TET1: variants seen among roughly 807,000 people sequenced by gnomAD.
The protein encoded by TET1 is tet methylcytosine dioxygenase 1.
A neutral mutation model predicts 148.7 loss-of-function variants in TET1; 13 were observed. The observed-to-expected ratio is 0.09, with a 90% CI of 0.06 to 0.14. The LOEUF (loss-of-function observed/expected upper bound fraction) is 0.14. Ranked by LOEUF, TET1 falls within the 10% of genes least tolerant of loss-of-function variation. TET1 has a pLI of 1.00. For synonymous variants in TET1, 907 were observed against 937.2 expected, an observed-to-expected ratio of 0.97 and a Z score of 0.59; for missense variants, 2,182 against 2,553.8, an observed-to-expected ratio of 0.85 and a Z score of 3.14.
chr10:68,586,560 C>G (rs1192218173), intron 2 of TET1, among the ~76,000 whole-genome samples: 1 of 148,994 alleles, frequency 6.7e-6, no homozygotes, highest in African/African-American at 2.5e-5. Flanking sequence ...GTCTTGAACT[C>G]CCGGCCTCAA....
rs2055515045 is a variant in TET1, at chr10:68,686,662, T to G, written c.5359T>G (p.Ser1787Ala). The change falls in exon 11 of 12, where the codon TCA becomes GCA. Residue 1787 changes from serine to alanine, a missense_variant. Physicochemically the swap from Ser to Ala is moderately conservative, Grantham distance 99. This residue lies in a region of TET1 where 380 missense variants were observed against 387.9 expected (regional missense o/e 0.98). Transcript: ENST00000373644. ...TCCCCGAATCAAGCGGAAGAATAAC[T>G]CAACAACAACAAACAACAGTAAGCC... ...PIPRIKRKNN[S>A]TTTNNSKPSS... is the part of the protein sequence containing the mutation. The G allele has an allele frequency of 6.2e-7, 1 of 1,613,930 alleles. No homozygotes were observed. The highest frequency in any genetic ancestry group is 1.1e-5 in the South Asian group (1 of 91,080).
At position 68,646,384 on chromosome 10, in the gene TET1, A is replaced by G; in HGVS notation, c.3655A>G (p.Ile1219Val). The G allele has an allele frequency of 6.2e-7, 1 of 1,614,166 alleles. No homozygotes were observed. Among genetic ancestry groups the G allele is most frequent in the Non-Finnish European group, 8.5e-7 (1 of 1,180,024 alleles). ...VFGKISSSTK[I>V]WKPLAQTRSI... ...TGGGAAAATTTCTTCCTCGACCAAA[A>G]TATGGAAACCACTGGCTCAAACGAG... The change falls in exon 4 of 12, where the codon ATA (isoleucine) becomes GTA (valine). Residue 1219 changes from isoleucine to valine, a missense_variant. Coordinates refer to ENST00000373644, the MANE Select transcript of TET1 (RefSeq NM_030625.3).
chr10:68,597,813 AAT>A (rs1234514650), intron 2 of TET1, among the ~76,000 whole-genome samples: 4 of 152,232 alleles, frequency 2.6e-5, no homozygotes, highest in African/African-American at 9.6e-5. Context: ...GAACCTTGTA[AAT>A]ATTATGCTAT....
At chr10:68,562,323 G>A (rs577188764) in intron 1 of TET1, among the ~76,000 whole-genome samples, 78 of 152,330 alleles carry the variant, frequency 5.1e-4, no homozygotes, top group South Asian at 4.8e-3. Flanking sequence ...AGCACACTAG[G>A]AATTTATGAC....
At position 68,690,795 on chromosome 10, in the gene TET1, T is replaced by C. The variant is rs375176917; in HGVS notation, c.5405-13T>C. The C allele has an allele frequency of 2.8e-5, 44 of 1,556,550 alleles. No individual in the cohort carries two copies. The highest frequency in any genetic ancestry group is 3.7e-5 in the Non-Finnish European group (43 of 1,150,326). On this transcript the variant is annotated splice_polypyrimidine_tract_variant and intron_variant, in intron 11 of 11. Transcript: ENST00000373644. Reference sequence around the variant, plus strand: ...AATTTGTATTTTTCTTCACATTTGGTGTCCTTGTTTAGGGAGTAACACTGA... The same window carrying C: ...AATTTGTATTTTTCTTCACATTTGGCGTCCTTGTTTAGGGAGTAACACTGA...
At chr10:68,671,355 C>G (rs770952692) in intron 7 of TET1, among the ~76,000 whole-genome samples, 1 of 152,194 alleles carries the variant, frequency 6.6e-6, no homozygotes, top group Non-Finnish European at 1.5e-5. Context: ...TAGCTTTATT[C>G]ATGTTCCCAC....
chr10:68,686,592 A>G lies in TET1; in HGVS notation c.5289A>G (p.Thr1763=). The part of the protein sequence containing the change: ...RSGKKRAAMM[T]EVLAHKIRAV... ...GAAAGAAGAGGGCTGCGATGATGACAGAGGTTCTTGCACATAAGATAAGGG... is the reference window on the plus strand; with the variant it reads ...GAAAGAAGAGGGCTGCGATGATGACGGAGGTTCTTGCACATAAGATAAGGG... Residue 1763 remains threonine (T), a synonymous_variant, in exon 11 of 12, where the codon ACA becomes ACG. Transcript: ENST00000373644. 6.2e-7 allele frequency: 1 copy of G among 1,614,206 alleles called. No homozygotes were observed. Among genetic ancestry groups the G allele is most frequent in the Non-Finnish European group, 8.5e-7 (1 of 1,180,038 alleles).
chr10:68,603,516 A>G (rs909336427), intron 3 of TET1, among the ~76,000 whole-genome samples: 66 of 149,536 alleles, frequency 4.4e-4, no homozygotes, highest in Non-Finnish European at 8.7e-4. Flanking sequence ...CATATGTGTA[A>G]TCCCAGAACT....
chr10:68,692,637 G>A lies in TET1; in HGVS notation c.*823G>A, dbSNP rs991463796. 2.6e-5 allele frequency: 6 copies of A among 231,812 alleles called. No homozygotes were observed. Among genetic ancestry groups the A allele is most frequent in the African/African-American group, 1.3e-4 (6 of 45,246 alleles). The allele number at this position is 231,812 out of a possible 1,614,324, so 14.4% of individuals were successfully genotyped here. A position where few individuals can be genotyped will look rare whatever the true frequency, so the allele number is the denominator to read the frequency against. Reference sequence around the variant, plus strand: ...TCTCACATTCAAGTATTAGCAACTTGCAGTATATAAAATAGTTAGATAATG... The same window carrying A: ...TCTCACATTCAAGTATTAGCAACTTACAGTATATAAAATAGTTAGATAATG... On this transcript the variant is annotated 3_prime_UTR_variant, in exon 12 of 12. Transcript: ENST00000373644.
At chr10:68,666,204 A>G (rs1324663985) in intron 6 of TET1, among the ~76,000 whole-genome samples, 1 of 151,214 alleles carries the variant, frequency 6.6e-6, no homozygotes, top group Non-Finnish European at 1.5e-5. Flanking sequence ...CAATAATTGG[A>G]TGCAGTATTA....
chr10:68,602,603 G>A (rs2054071669), intron 3 of TET1, among the ~76,000 whole-genome samples: 1 of 152,184 alleles, frequency 6.6e-6, no homozygotes, highest in East Asian at 1.9e-4. Context: ...TAGATTGTGA[G>A]TGTCCTGTCA....
chr10:68,635,232 G>A (rs2054633677), intron 3 of TET1, among the ~76,000 whole-genome samples: 1 of 151,934 alleles, frequency 6.6e-6, no homozygotes, highest in Non-Finnish European at 1.5e-5. Flanking sequence ...TGGAGGACAA[G>A]TAGAAAAATG....
intron 3 of TET1, among the ~76,000 whole-genome samples, chr10:68,601,581 T>C: frequency 6.6e-6 from 1 of 152,208 alleles, no homozygotes; most frequent in Non-Finnish European, 1.5e-5. Flanking sequence ...CATAAGAATA[T>C]GCATGTTTTC....
intron 8 of TET1, among the ~76,000 whole-genome samples, chr10:68,675,385 G>A (rs2055334877): frequency 6.6e-6 from 1 of 152,130 alleles, no homozygotes; most frequent in South Asian, 2.1e-4. Flanking sequence ...ATTGAAGCAA[G>A]AACAAACATC....
chr10:68,581,535 T>C (rs896371653), intron 2 of TET1, among the ~76,000 whole-genome samples: 3 of 152,142 alleles, frequency 2.0e-5, no homozygotes, highest in Non-Finnish European at 4.4e-5. Flanking sequence ...TTTTAGTATG[T>C]GTGAAAGCCA....
chr10:68,606,052 T>G (rs1302970515), intron 3 of TET1, among the ~76,000 whole-genome samples: 1 of 152,170 alleles, frequency 6.6e-6, no homozygotes, highest in Non-Finnish European at 1.5e-5. Context: ...TGAGTTACAT[T>G]GTTTATTTTA....
chr10:68,634,466 G>A (rs2054621329), intron 3 of TET1, among the ~76,000 whole-genome samples: 2 of 152,166 alleles, frequency 1.3e-5, no homozygotes, highest in South Asian at 4.1e-4. Flanking sequence ...GTGCATCTTA[G>A]TTAGCATTAG....
chr10:68,612,744 A>C (rs1280522957), intron 3 of TET1, among the ~76,000 whole-genome samples: 2 of 151,890 alleles, frequency 1.3e-5, no homozygotes, highest in African/African-American at 4.8e-5. Context: ...CAGTCCCCCA[A>C]GTAGCTGGGA....
chr10:68,686,837 A>G (rs967914392), intron 11 of TET1, 130 bp downstream of exon 11: 1 of 849,920 alleles, frequency 1.2e-6, no homozygotes, highest in Non-Finnish European at 1.8e-6. Flanking sequence ...CCAGAACCAA[A>G]AGTCAACAAA....
Sources: allele counts gnomAD v4.1 joint callset (sites outside exome capture counted in the v4.1 genomes callset), GRCh38; gene constraint gnomAD v4.1.1; regional missense constraint gnomAD v4.1.1; transcripts MANE v1.5; gene names NCBI Gene and HGNC (gene_info 2026-07-23, HGNC 2026-07-21).